The following EPC2 variants were observed in gnomAD, a reference collection of about 807,000 sequenced individuals.
EPC2 encodes the protein enhancer of polycomb 2, also known as enhancer of polycomb homolog 2.
In EPC2, 14 loss-of-function variants were observed where a neutral mutation model predicts 92.1. That is an observed-to-expected ratio of 0.15 (90% CI 0.10 to 0.24). The LOEUF (loss-of-function observed/expected upper bound fraction) is 0.24. Ranked by LOEUF, EPC2 falls within the 10% of genes least tolerant of loss-of-function variation. The probability of loss-of-function intolerance (pLI) is 1.00; values close to 1 mark genes in which losing one functional copy is unlikely to be tolerated. For missense variants in EPC2, 755 were observed against 971.5 expected (o/e 0.78, Z 2.96); for synonymous variants, 340 against 334.7 (o/e 1.02, Z -0.17).
At chr2:148,698,657 AAT>A (rs1491467864) in intron 2 of EPC2, among the ~76,000 whole-genome samples, 6 of 146,970 alleles carry the variant, frequency 4.1e-5, no homozygotes, top group African/African-American at 9.9e-5. Flanking sequence ...AAAAAAAAAA[AAT>A]CTCCTGTTTC....
At chr2:148,662,664 T>C (rs895260866) in intron 1 of EPC2, among the ~76,000 whole-genome samples, 5 of 151,406 alleles carry the variant, frequency 3.3e-5, no homozygotes, top group Non-Finnish European at 5.9e-5. Context: ...CCGGGGACTG[T>C]TGTGGGGTGG....
At chr2:148,660,988 C>G (rs1680921162) in intron 1 of EPC2, among the ~76,000 whole-genome samples, 1 of 151,828 alleles carries the variant, frequency 6.6e-6, no homozygotes, top group Non-Finnish European at 1.5e-5. Flanking sequence ...ATTTTTATAT[C>G]TGGTAGAGCT....
chr2:148,750,230 T>G (rs1483297378), intron 3 of EPC2, among the ~76,000 whole-genome samples: 2 of 152,134 alleles, frequency 1.3e-5, no homozygotes, highest in Non-Finnish European at 2.9e-5. Context: ...TGATAAATCC[T>G]TCTAAAATAG....
At chr2:148,694,288 G>A (rs1015901504) in intron 2 of EPC2, among the ~76,000 whole-genome samples, 1 of 152,132 alleles carries the variant, frequency 6.6e-6, no homozygotes, top group Non-Finnish European at 1.5e-5. Flanking sequence ...AGTTGGGAGT[G>A]GACTCCAATC....
At chr2:148,703,336 A>T (rs572665686) in intron 2 of EPC2, among the ~76,000 whole-genome samples, 4 of 151,872 alleles carry the variant, frequency 2.6e-5, no homozygotes, top group African/African-American at 4.8e-5. Flanking sequence ...GTTTTTTTTT[A>T]AAAAGTATGT....
intron 4 of EPC2, among the ~76,000 whole-genome samples, chr2:148,760,058 C>T (rs1683272188): frequency 6.6e-6 from 1 of 152,104 alleles, no homozygotes; most frequent in Non-Finnish European, 1.5e-5. Context: ...GCCTGCTCAA[C>T]ATGGTGAAAT....
intron 1 of EPC2, among the ~76,000 whole-genome samples, chr2:148,670,179 G>GAAGT (rs1241162808): frequency 6.6e-6 from 1 of 152,154 alleles, no homozygotes; most frequent in Non-Finnish European, 1.5e-5. Flanking sequence ...ACTAACTACT[G>GAAGT]AGGCAGCCAT....
intron 2 of EPC2, among the ~76,000 whole-genome samples, chr2:148,718,319 C>A (rs116412938): frequency 0.012 from 1,776 of 152,006 alleles, 36 homozygotes; most frequent in African/African-American, 0.04. Context: ...TGTTTATGTG[C>A]TTGCTTCATA....
intron 2 of EPC2, among the ~76,000 whole-genome samples, chr2:148,715,561 C>T (rs1312825345): frequency 2.0e-5 from 3 of 152,096 alleles, no homozygotes; most frequent in Non-Finnish European, 2.9e-5. Context: ...TCTGGGTTCT[C>T]TATTCTGTTC....
At chr2:148,783,391 C>A (rs1033524524) in intron 11 of EPC2, among the ~76,000 whole-genome samples, 1 of 152,144 alleles carries the variant, frequency 6.6e-6, no homozygotes, top group East Asian at 1.9e-4. Flanking sequence ...ATCTCTAGTT[C>A]TTTCTCAGAA....
intron 1 of EPC2, among the ~76,000 whole-genome samples, chr2:148,653,628 T>G (rs1350432444): frequency 6.6e-6 from 1 of 152,178 alleles, no homozygotes; most frequent in Non-Finnish European, 1.5e-5. Context: ...TGCTATAAAG[T>G]CAGAGGAATG....
At chr2:148,653,783 T>C (rs1344684509) in intron 1 of EPC2, among the ~76,000 whole-genome samples, 1 of 145,946 alleles carries the variant, frequency 6.9e-6, no homozygotes, top group Non-Finnish European at 1.5e-5. Context: ...GTTTTGCTGC[T>C]AATTTGGTGA....
In EPC2 at chr2:148,771,264, C is replaced by T. The variant is rs1439396835; in HGVS notation, c.1597C>T (p.Leu533=). Residue 533 remains leucine, a synonymous_variant, in exon 10 of 14, where the codon CTA becomes TTA. Transcript: ENST00000258484. ...ACTACAGTGTTTCCAGCCAAGGCTA[C>T]TAAATTTACAGGACAGTGATAGTGA... ...CRLQCFQPRL[L]NLQDSDSEEC... is the part of the protein sequence containing the mutation. The T allele has an allele frequency of 6.2e-7, 1 of 1,613,912 alleles. No homozygotes were observed. Among genetic ancestry groups the T allele is most frequent in the Non-Finnish European group, 8.5e-7 (1 of 1,179,864 alleles).
At chr2:148,670,709 C>T (rs1026658585) in intron 1 of EPC2, among the ~76,000 whole-genome samples, 10 of 152,054 alleles carry the variant, frequency 6.6e-5, no homozygotes, top group African/African-American at 2.2e-4. Flanking sequence ...ATTCTCTCTC[C>T]TCTTCCCTGT....
chr2:148,772,231 G>T (rs1038396704), intron 10 of EPC2, among the ~76,000 whole-genome samples: 2 of 152,070 alleles, frequency 1.3e-5, no homozygotes, highest in Admixed American at 1.3e-4. Flanking sequence ...ATAATATCTA[G>T]AGAATCTAGG....
intron 2 of EPC2, among the ~76,000 whole-genome samples, chr2:148,733,230 A>G (rs982180685): frequency 3.3e-5 from 5 of 151,848 alleles, no homozygotes; most frequent in African/African-American, 9.7e-5. Context: ...ACCATACCAC[A>G]AAGAGTGAAA....
At chr2:148,669,904 C>T (rs1681122027) in intron 1 of EPC2, among the ~76,000 whole-genome samples, 1 of 152,044 alleles carries the variant, frequency 6.6e-6, no homozygotes, top group Admixed American at 6.6e-5. Flanking sequence ...ATTGTGTTCC[C>T]TCAGACTCTT....
chr2:148,660,416 A>C (rs547604964), intron 1 of EPC2, among the ~76,000 whole-genome samples: 115 of 152,250 alleles, frequency 7.6e-4, no homozygotes, highest in African/African-American at 2.6e-3. Flanking sequence ...TTTCCAAAAC[A>C]AGAGAATTTT....
At chr2:148,766,023 G>A (rs1019118698) in intron 7 of EPC2, among the ~76,000 whole-genome samples, 4 of 152,102 alleles carry the variant, frequency 2.6e-5, no homozygotes, top group Admixed American at 6.5e-5. Context: ...GCGACAGAGC[G>A]AGACGACGTC....
Sources: gnomAD v4.1 joint callset for allele counts (sites outside exome capture counted in the v4.1 genomes callset) on GRCh38, gnomAD v4.1.1 for gene constraint, MANE v1.5 for transcripts, NCBI Gene and HGNC (gene_info 2026-07-23, HGNC 2026-07-21) for gene names.